FNDC3A: variants seen among roughly 807,000 people sequenced by gnomAD.
The protein encoded by FNDC3A is fibronectin type III domain containing 3A.
FNDC3A carries 32 observed loss-of-function variants against 148.9 expected under a neutral mutation model. The ratio of observed to expected loss-of-function variants is 0.21; its 90% CI spans 0.16 to 0.29. The LOEUF (loss-of-function observed/expected upper bound fraction) is 0.29, where lower values mean the gene tolerates loss of function less well. Among genes scored for constraint, FNDC3A ranks in the 10% least tolerant of loss-of-function variants. The probability of loss-of-function intolerance (pLI) is 1.00; values close to 1 mark genes in which losing one functional copy is unlikely to be tolerated. For synonymous variants in FNDC3A, 472 were observed against 473.6 expected (o/e 1.00, Z 0.04); for missense variants, 1,191 against 1,452.8 (o/e 0.82, Z 2.93).
chr13:49,190,253 A>G (rs1885817056), intron 17 of FNDC3A, among the ~76,000 whole-genome samples: 1 of 152,242 alleles, frequency 6.6e-6, no homozygotes, highest in Admixed American at 6.5e-5. Flanking sequence ...AATATAGCAT[A>G]GAAACTAAAA....
chr13:49,178,806 C>T, intron 14 of FNDC3A, 152 bp downstream of exon 14: 2 of 523,806 alleles, frequency 3.8e-6, no homozygotes, highest in South Asian at 2.6e-5. Context: ...AATCATGGCT[C>T]ACTGCAGCCA....
chr13:49,076,928 C>T (rs192223237), intron 3 of FNDC3A, among the ~76,000 whole-genome samples: 2 of 152,260 alleles, frequency 1.3e-5, no homozygotes, highest in Admixed American at 1.3e-4. Context: ...CTTTGTATCC[C>T]CTTCAATTCT....
At chr13:49,102,952 T>C (rs1231621846) in intron 3 of FNDC3A, among the ~76,000 whole-genome samples, 1 of 152,210 alleles carries the variant, frequency 6.6e-6, no homozygotes, top group African/African-American at 2.4e-5. Flanking sequence ...ACATATTAAC[T>C]ACCATTCCTG....
At chr13:49,158,090 C>A (rs920955562) in intron 8 of FNDC3A, among the ~76,000 whole-genome samples, 3 of 152,244 alleles carry the variant, frequency 2.0e-5, no homozygotes, top group African/African-American at 7.2e-5. Flanking sequence ...CTAAGCAAGC[C>A]AGGGCAATGG....
At chr13:49,053,808 T>A (rs1876031465) in intron 2 of FNDC3A, among the ~76,000 whole-genome samples, 1 of 152,174 alleles carries the variant, frequency 6.6e-6, no homozygotes, top group Admixed American at 6.5e-5. Context: ...TCAGCCAATC[T>A]TTTCAGAATC....
intron 5 of FNDC3A, among the ~76,000 whole-genome samples, chr13:49,134,767 A>G (rs34360275): frequency 0.42 from 43,024 of 102,736 alleles, 6,996 homozygotes; most frequent in South Asian, 0.53. Flanking sequence ...TCATCTTTTC[A>G]TGTGCTTATT....
At chr13:49,179,327 T>C (rs1272448426) in intron 14 of FNDC3A, among the ~76,000 whole-genome samples, 2 of 152,232 alleles carry the variant, frequency 1.3e-5, no homozygotes, top group Admixed American at 1.3e-4. Flanking sequence ...TTTCAATTTG[T>C]CTTATTACTG....
At chr13:49,044,541 G>C (rs1211164036) in intron 2 of FNDC3A, 1 of 169,014 alleles carries the variant, frequency 5.9e-6, no homozygotes. Flanking sequence ...GTGGTGGCAC[G>C]TGCCTGTAGT....
At chr13:48,989,820 TG>T (rs1190577937) in intron 1 of FNDC3A, among the ~76,000 whole-genome samples, 1 of 152,076 alleles carries the variant, frequency 6.6e-6, no homozygotes, top group African/African-American at 2.4e-5. Flanking sequence ...GGCACAATCT[TG>T]GCTCACTGTA....
At chr13:49,199,581 C>T (rs1886330655) in intron 23 of FNDC3A, among the ~76,000 whole-genome samples, 1 of 152,048 alleles carries the variant, frequency 6.6e-6, no homozygotes, top group Admixed American at 6.6e-5. Context: ...CTGCCTCGAC[C>T]TCCCAAAGTG....
chr13:49,143,978 T>TTACTAC (rs71188348), intron 7 of FNDC3A, among the ~76,000 whole-genome samples: 50,506 of 137,944 alleles, frequency 0.37, 9,483 homozygotes, highest in Admixed American at 0.42. Flanking sequence ...GACCCCATCT[T>TTACTAC]TACTACTACT....
At chr13:49,172,704 T>C (rs1023084535) in intron 11 of FNDC3A, among the ~76,000 whole-genome samples, 3 of 152,224 alleles carry the variant, frequency 2.0e-5, no homozygotes, top group African/African-American at 7.2e-5. Flanking sequence ...TCTATTCAGA[T>C]AATCCAGGAT....
intron 3 of FNDC3A, among the ~76,000 whole-genome samples, chr13:49,100,198 C>T (rs1263359526): frequency 1.3e-5 from 2 of 151,954 alleles, no homozygotes; most frequent in Admixed American, 1.3e-4. Context: ...TTTAATAAAG[C>T]ATTTTATTTT....
chr13:48,994,857 G>A (rs116291612), intron 1 of FNDC3A, among the ~76,000 whole-genome samples: 227 of 152,190 alleles, frequency 1.5e-3, no homozygotes, highest in African/African-American at 5.2e-3. Context: ...ACAGGAAGTG[G>A]GGTATAGATG....
At chr13:49,118,067 G>T (rs1881080227) in intron 4 of FNDC3A, among the ~76,000 whole-genome samples, 1 of 152,200 alleles carries the variant, frequency 6.6e-6, no homozygotes, top group Non-Finnish European at 1.5e-5. Flanking sequence ...TTAAGATGAA[G>T]ATTATCTCTA....
chr13:49,168,559 G>A, intron 9 of FNDC3A, 54 bp from the exon 10 acceptor site: 1 of 1,406,282 alleles, frequency 7.1e-7, no homozygotes, highest in East Asian at 2.4e-5. Context: ...TGACACTATT[G>A]AAAACAGGAT....
intron 2 of FNDC3A, among the ~76,000 whole-genome samples, chr13:49,060,041 C>G (rs1461590715): frequency 6.6e-6 from 1 of 152,220 alleles, no homozygotes; most frequent in East Asian, 1.9e-4. Flanking sequence ...AAGTGGAATC[C>G]TTATACATTT....
At chr13:49,202,039 TTACTGATATTAAAATTTAGCATCC>T (rs1415287871) in intron 24 of FNDC3A, 73 bp downstream of exon 24, 20 of 1,009,396 alleles carry the variant, frequency 2.0e-5, no homozygotes, top group Non-Finnish European at 6.9e-6. Context: ...AATGCTTTGT[TTACTGATATTAAAATTTAGCATCC>T]AGTATATGTC....
chr13:49,115,543 C>T (rs1247027557), intron 4 of FNDC3A, among the ~76,000 whole-genome samples: 5 of 152,182 alleles, frequency 3.3e-5, no homozygotes, highest in African/African-American at 4.8e-5. Flanking sequence ...ATATGAACCA[C>T]AGCAAAAGAA....
Sources: gnomAD v4.1 joint callset for allele counts (sites outside exome capture counted in the v4.1 genomes callset) on GRCh38, gnomAD v4.1.1 for gene constraint, MANE v1.5 for transcripts, NCBI Gene and HGNC (gene_info 2026-07-23, HGNC 2026-07-21) for gene names.